TESPA1: variants seen among roughly 807,000 people sequenced by gnomAD.
TESPA1 encodes the protein protein TESPA1.
TESPA1 carries 33 observed loss-of-function variants against 57.9 expected under a neutral mutation model. That is an observed-to-expected ratio of 0.57 (90% CI 0.43 to 0.76). The LOEUF (loss-of-function observed/expected upper bound fraction) is 0.76. TESPA1 is among the 30% of genes least tolerant of loss of function. The pLI is 0.00. For synonymous variants in TESPA1, 227 were observed against 228.9 expected (o/e 0.99, Z 0.07); for missense variants, 618 against 632.9 (o/e 0.98, Z 0.25).
rs533243911 is a variant in TESPA1 at position 54,983,732 on chromosome 12, G to A, written c.-46+853C>T. 1.4e-3 allele frequency among the ~76,000 whole-genome samples: 210 copies of A among 152,270 alleles called. 1 individual carries two copies. Among genetic ancestry groups the A allele is most frequent in the African/African-American group, 4.6e-3 (193 of 41,552 alleles). ...TCTTCCACCCACTGGTGAGCTTAGT[G>A]GCACAGAAGGGGCATGGGAAAACCC... On this transcript the variant is annotated intron_variant, in intron 1 of 10. Transcript: ENST00000449076.
chr12:54,967,234 A>C lies in TESPA1; in HGVS notation c.259T>G (p.Phe87Val). 1.2e-6 allele frequency: 2 copies of C among 1,612,588 alleles called. No individual in the cohort carries two copies. The highest frequency in any genetic ancestry group is 1.7e-6 in the Non-Finnish European group (2 of 1,179,508). The change falls in exon 5 of 11, where the codon TTC (phenylalanine) becomes GTC (valine). Residue 87 changes from phenylalanine (F) to valine (V), a missense_variant and splice_region_variant. Transcript: ENST00000449076. ...TCAAAGCTGGTCCCATGGCTGCAGAAGCCTGTCCAATAATCAGGTGAGGGT... is the reference window on the plus strand; with the variant it reads ...TCAAAGCTGGTCCCATGGCTGCAGACGCCTGTCCAATAATCAGGTGAGGGT... ...EEAGQFIYNG[F>V]CSHGTSFEDD...
chr12:54,971,795 C>G lies in TESPA1; in HGVS notation c.206+1682G>C, dbSNP rs567109831. ...TTTACTTCTAAAGTCAATTCTTTTCCTTCTTCCAGGTAATCACTATCCAAG... is the reference window on the plus strand; with the variant it reads ...TTTACTTCTAAAGTCAATTCTTTTCGTTCTTCCAGGTAATCACTATCCAAG... On this transcript the variant is annotated intron_variant, in intron 3 of 10. Transcript: ENST00000449076. Among the ~76,000 whole-genome samples, 5 of 151,976 alleles carry G rather than the reference C, an allele frequency of 3.3e-5. 1 individual carries two copies. The highest frequency in any genetic ancestry group is 2.0e-4 in the Admixed American group (3 of 15,270).
At chr12:54,973,607 TTACA>T (rs1951982186) in intron 2 of TESPA1, 88 bp from the exon 3 acceptor site, 9 of 1,603,582 alleles carry the variant, frequency 5.6e-6, no homozygotes, top group Non-Finnish European at 7.7e-6. Flanking sequence ...AAGTTTATTC[TTACA>T]TAAGCTGCGT....
rs1424907270 is a variant in TESPA1 at position 54,963,135 on chromosome 12, A to G, written c.763T>C (p.Phe255Leu). The change falls in exon 9 of 11, where the codon TTC (phenylalanine) becomes CTC (leucine). Residue 255 changes from phenylalanine (F) to leucine (L), a missense_variant. Phe to Leu is a conservative substitution (Grantham distance 22). Transcript: ENST00000449076. The part of the protein sequence containing the change: ...PVQKFTPSHM[F>L]WNCNHPTDVP... The stretch of plus-strand genomic sequence containing the variant: ...TCAGTTGGATGGTTGCAATTCCAGA[A>G]CATGTGGGATGGTGTGAACTTTTGG... 2 of 1,613,764 alleles carry G rather than the reference A, an allele frequency of 1.2e-6. No homozygotes were observed. Among genetic ancestry groups the G allele is most frequent in the Admixed American group, 1.7e-5 (1 of 59,992 alleles).
intron 10 of TESPA1, among the ~76,000 whole-genome samples, chr12:54,953,765 C>A (rs1333266165): frequency 1.3e-5 from 2 of 152,138 alleles, no homozygotes; most frequent in Non-Finnish European, 2.9e-5. Context: ...CGTGATCTGC[C>A]CGCCTCGGCC....
chr12:54,960,154 A>G lies in TESPA1; in HGVS notation c.*1+1014T>C, dbSNP rs974142302. The stretch of plus-strand genomic sequence containing the variant: ...AAGCAAGATTTATTTACTTAATTCA[A>G]TAAAGATTTTAATTTATACTATCTG... On this transcript the variant is annotated intron_variant, in intron 10 of 10. Coordinates refer to ENST00000449076, the MANE Select transcript of TESPA1 (RefSeq NM_001136030.3). Among the ~76,000 whole-genome samples, 3 of 152,358 alleles carry G rather than the reference A, an allele frequency of 2.0e-5. No individual in the cohort carries two copies. The South Asian group carries it at 6.2e-4, about 32-fold the overall frequency.
At position 54,963,747 on chromosome 12, in the gene TESPA1, A is replaced by G; in HGVS notation, c.650T>C (p.Leu217Pro). ...TGCCTGGGAGGGACACTCACTGGCC[A>G]GCATGAGGCAGGGGTCTTCCATTTC... ...RIEMEDPCLM[L>P]ASRFKQVQTL... Residue 217 changes from leucine to proline, a missense_variant, in exon 8 of 11, where the codon CTG becomes CCG. Around this residue, in one of 3 missense-constraint regions of TESPA1, gnomAD observed 409 missense variants for 420.1 expected, o/e 0.97. Coordinates refer to ENST00000449076, the MANE Select transcript of TESPA1 (RefSeq NM_001136030.3). 6.2e-7 allele frequency: 1 copy of G among 1,611,830 alleles called. No homozygotes were observed. Among genetic ancestry groups the G allele is most frequent in the Non-Finnish European group, 8.5e-7 (1 of 1,179,276 alleles).
At chr12:54,964,736 C>T (rs80150107) in intron 7 of TESPA1, among the ~76,000 whole-genome samples, 5,018 of 152,252 alleles carry the variant, frequency 0.033, 281 homozygotes, top group African/African-American at 0.11. Context: ...AATAGCTGGA[C>T]GGTCGGAATC....
intron 10 of TESPA1, among the ~76,000 whole-genome samples, chr12:54,959,884 C>A (rs1288950939): frequency 1.3e-5 from 2 of 152,130 alleles, no homozygotes; most frequent in Non-Finnish European, 2.9e-5. Flanking sequence ...CTGCTATTTA[C>A]CTCTTTTGTG....
chr12:54,976,868 T>A (rs1952157507), intron 1 of TESPA1, among the ~76,000 whole-genome samples: 1 of 152,178 alleles, frequency 6.6e-6, no homozygotes, highest in Non-Finnish European at 1.5e-5. Context: ...TATAGGCTAA[T>A]TTCCTCTGCA....
chr12:54,974,342 C>T (rs1952025069), intron 2 of TESPA1, 58 bp downstream of exon 2: 2 of 1,481,904 alleles, frequency 1.3e-6, no homozygotes, highest in South Asian at 1.4e-5. Context: ...AGACCTGGGC[C>T]TGCTGTCACC....
intron 10 of TESPA1, among the ~76,000 whole-genome samples, chr12:54,958,276 G>A (rs1565828600): frequency 6.6e-6 from 1 of 152,108 alleles, no homozygotes; most frequent in African/African-American, 2.4e-5. Context: ...CAACACTTAA[G>A]CAAAGTGTTG....
rs1592346711 is a variant in TESPA1, at chr12:54,962,422, C to A, written c.1467+9G>T. On this transcript the variant is annotated intron_variant, in intron 9 of 10. Transcript: ENST00000449076. The stretch of plus-strand genomic sequence containing the variant: ...CTGCCAGTCTCTCCCTCACCTCCAA[C>A]CCACTTACCTCCTCCAAGTCAAAAG... 6.2e-7 allele frequency: 1 copy of A among 1,607,380 alleles called. No individual in the cohort carries two copies. Among genetic ancestry groups the A allele is most frequent in the Non-Finnish European group, 8.5e-7 (1 of 1,176,500 alleles).
intron 10 of TESPA1, among the ~76,000 whole-genome samples, chr12:54,960,063 T>C: frequency 6.6e-6 from 1 of 152,104 alleles, no homozygotes; most frequent in South Asian, 2.1e-4. Flanking sequence ...GAGTATTAAC[T>C]AAGAAAACAA....
intron 5 of TESPA1, among the ~76,000 whole-genome samples, chr12:54,966,738 C>A (rs1277285757): frequency 6.6e-6 from 1 of 152,144 alleles, no homozygotes; most frequent in African/African-American, 2.4e-5. Flanking sequence ...GTTCCTGTCC[C>A]CCTACACAAG....
rs1300587235 is a variant in TESPA1, at chr12:54,950,403, TAA to T, written c.*2-15_*2-14del. 2.2e-6 allele frequency: 1 copy of T among 450,714 alleles called. No homozygotes were observed. The highest frequency in any genetic ancestry group is 2.0e-5 in the African/African-American group (1 of 49,546). 27.9% of individuals were successfully genotyped at this position (450,714 alleles called of 1,614,324 possible). ...TGGTGGAGAAAGCCTGCAATGGGAA[TAA>T]AAAAGATACATATCATGCATTTTTT... On this transcript the variant is annotated splice_polypyrimidine_tract_variant and intron_variant, in intron 10 of 10. Coordinates refer to ENST00000449076, the MANE Select transcript of TESPA1 (RefSeq NM_001136030.3).
chr12:54,966,584 T>G (rs1330008714), intron 5 of TESPA1, among the ~76,000 whole-genome samples, 160 bp from the exon 6 acceptor site: 1 of 152,182 alleles, frequency 6.6e-6, no homozygotes, highest in Non-Finnish European at 1.5e-5. Flanking sequence ...GGCCTCAAGA[T>G]TACCTAACAC....
At chr12:54,961,489 G>A (rs1008698732) in intron 9 of TESPA1, among the ~76,000 whole-genome samples, 11 of 152,138 alleles carry the variant, frequency 7.2e-5, no homozygotes, top group African/African-American at 2.2e-4. Context: ...AAATAATCAC[G>A]GCTTCTTTTT....
intron 4 of TESPA1, 33 bp from the exon 5 acceptor site, chr12:54,967,269 C>T (rs759780838): frequency 3.5e-5 from 56 of 1,608,712 alleles, no homozygotes; most frequent in African/African-American, 2.7e-5. Context: ...TCACAGAAAA[C>T]CAGGATGGAA....
Sources: allele counts gnomAD v4.1 joint callset (sites outside exome capture counted in the v4.1 genomes callset), GRCh38; gene constraint gnomAD v4.1.1; regional missense constraint gnomAD v4.1.1; transcripts MANE v1.5; gene names NCBI Gene and HGNC (gene_info 2026-07-23, HGNC 2026-07-21).